Variants in RALY observed in about 807,000 individuals in gnomAD.
The protein encoded by RALY is RALY heterogeneous nuclear ribonucleoprotein, also known as RNA-binding protein Raly.
In RALY, 15 loss-of-function variants were observed where a neutral mutation model predicts 30.7. The ratio of observed to expected loss-of-function variants is 0.49; its 90% CI spans 0.33 to 0.75. The LOEUF (loss-of-function observed/expected upper bound fraction) is 0.75, where lower values mean the gene tolerates loss of function less well. Ranked by LOEUF, RALY falls within the 30% of genes least tolerant of loss-of-function variation. The probability of loss-of-function intolerance (pLI) is 0.02; values close to 1 mark genes in which losing one functional copy is unlikely to be tolerated. For synonymous variants in RALY, 177 were observed against 170.8 expected (o/e 1.04, Z -0.28); for missense variants, 339 against 414.3 (o/e 0.82, Z 1.58).
intron 1 of RALY, among the ~76,000 whole-genome samples, chr20:34,027,913 C>T (rs1025899274): frequency 2.0e-5 from 3 of 152,172 alleles, no homozygotes; most frequent in Non-Finnish European, 4.4e-5. Context: ...TCCCATTTTG[C>T]AGATGGGGAA....
At chr20:34,065,544 C>G (rs566515086) in intron 2 of RALY, among the ~76,000 whole-genome samples, 15 of 152,238 alleles carry the variant, frequency 9.9e-5, no homozygotes, top group African/African-American at 3.4e-4. Context: ...CCTGTCTGGC[C>G]AGTAACAATC....
At chr20:34,008,077 C>T (rs549475361) in intron 1 of RALY, among the ~76,000 whole-genome samples, 2 of 152,302 alleles carry the variant, frequency 1.3e-5, no homozygotes, top group East Asian at 3.9e-4. Flanking sequence ...GTTTTCTGTG[C>T]CATGCTATTC....
At chr20:34,078,416 C>T in intron 8 of RALY, 89 bp from the exon 9 acceptor site, 10 of 1,248,288 alleles carry the variant, frequency 8.0e-6, no homozygotes, top group Non-Finnish European at 9.8e-6. Context: ...GCCCTCTGGA[C>T]CATGAAGTTT....
chr20:33,998,052 T>C (rs2030724464), intron 1 of RALY, among the ~76,000 whole-genome samples: 1 of 152,270 alleles, frequency 6.6e-6, no homozygotes, highest in African/African-American at 2.4e-5. Flanking sequence ...ACATTTGAGT[T>C]GGTTACTTGT....
chr20:34,003,318 C>T (rs2031006228), intron 1 of RALY, among the ~76,000 whole-genome samples: 1 of 152,048 alleles, frequency 6.6e-6, no homozygotes. Context: ...TTGTGAGGAG[C>T]AAATTAGAAC....
intron 1 of RALY, among the ~76,000 whole-genome samples, chr20:34,012,260 C>T (rs1275517730): frequency 6.6e-6 from 1 of 151,986 alleles, no homozygotes; most frequent in African/African-American, 2.4e-5. Flanking sequence ...CATGAGGTGG[C>T]GGAAGGTTGC....
In RALY at chr20:34,072,284, A is replaced by G; in HGVS notation, c.210A>G (p.Ala70=). 1 of 1,614,018 alleles carries G rather than the reference A, an allele frequency of 6.2e-7. No homozygotes were observed. Among genetic ancestry groups the G allele is most frequent in the Non-Finnish European group, 8.5e-7 (1 of 1,180,038 alleles). ...VQYSNERHAR[A]AVLGENGRVL... Reference sequence around the variant, plus strand: ...ACTCCAATGAGCGCCATGCCCGGGCAGCTGTGCTGGGAGAGAATGGGCGGG... The same window carrying G: ...ACTCCAATGAGCGCCATGCCCGGGCGGCTGTGCTGGGAGAGAATGGGCGGG... Residue 70 remains alanine (A), a synonymous_variant, in exon 3 of 10, where the codon GCA becomes GCG. Transcript: ENST00000246194.
chr20:34,069,880 C>A (rs1195097003), intron 2 of RALY, among the ~76,000 whole-genome samples: 1 of 152,098 alleles, frequency 6.6e-6, no homozygotes, highest in African/African-American at 2.4e-5. Context: ...GTGATGGGAC[C>A]CTCTCAGCCC....
At chr20:34,050,445 A>G (rs914539962) in intron 2 of RALY, among the ~76,000 whole-genome samples, 2 of 152,214 alleles carry the variant, frequency 1.3e-5, no homozygotes, top group Admixed American at 1.3e-4. Context: ...CCTTGATCCA[A>G]AAATGCTTTG....
At chr20:34,000,822 A>G (rs1318241177) in intron 1 of RALY, among the ~76,000 whole-genome samples, 1 of 152,224 alleles carries the variant, frequency 6.6e-6, no homozygotes, top group African/African-American at 2.4e-5. Flanking sequence ...AATAGCAGTC[A>G]GTGGGCTTTT....
intron 2 of RALY, among the ~76,000 whole-genome samples, chr20:34,035,022 G>A (rs550938619): frequency 6.6e-5 from 10 of 151,938 alleles, no homozygotes; most frequent in South Asian, 4.2e-4. Context: ...GTGTGGTGGC[G>A]GGTGTCTGTA....
At position 34,076,043 on chromosome 20, in the gene RALY, G is replaced by A; in HGVS notation, c.544+3G>A. The A allele has an allele frequency of 6.2e-7, 1 of 1,611,172 alleles. No individual in the cohort carries two copies. Among genetic ancestry groups the A allele is most frequent in the Non-Finnish European group, 8.5e-7 (1 of 1,177,856 alleles). ...CACCAGCTCAGCCAAGATCAAGTGT[G>A]AGTGACTGTATCATATTCCTAAGTA... On this transcript the variant is annotated splice_donor_region_variant and intron_variant, in intron 6 of 9. Coordinates refer to ENST00000246194, the MANE Select transcript of RALY (RefSeq NM_016732.3).
chr20:34,084,239 T>G lies in RALY; in HGVS notation c.*4334T>G, dbSNP rs2034070169. On this transcript the variant is annotated 3_prime_UTR_variant, in exon 10 of 10. Coordinates refer to ENST00000246194, the MANE Select transcript of RALY (RefSeq NM_016732.3). Reference sequence around the variant, plus strand: ...TGGGGGACTACAGTGGGAGATCATTTGCACCTAGGAGGTTAATGCTGCGGT... The same window carrying G: ...TGGGGGACTACAGTGGGAGATCATTGGCACCTAGGAGGTTAATGCTGCGGT... 6.6e-6 allele frequency: 1 copy of G among 152,108 alleles called. No individual in the cohort carries two copies. Among genetic ancestry groups the G allele is most frequent in the Non-Finnish European group, 1.5e-5 (1 of 68,020 alleles). The allele number at this position is 152,108 out of a possible 1,614,324, so 9.4% of individuals were successfully genotyped here. A position where few individuals can be genotyped will look rare whatever the true frequency, so the allele number is the denominator to read the frequency against.
chr20:34,010,263 C>T (rs1464931899), intron 1 of RALY, among the ~76,000 whole-genome samples: 2 of 152,150 alleles, frequency 1.3e-5, no homozygotes, highest in Admixed American at 6.5e-5. Context: ...CAGTGGCACT[C>T]TGTTGCCCAA....
intron 1 of RALY, among the ~76,000 whole-genome samples, chr20:34,031,211 ATTTTTTTTTTT>A (rs11297874): frequency 9.0e-6 from 1 of 110,872 alleles, no homozygotes; most frequent in Admixed American, 9.9e-5. Flanking sequence ...TGCCTGGCTA[ATTTTTTTTTTT>A]TTTTTTTTTT....
chr20:34,083,712 G>A lies in RALY; in HGVS notation c.*3807G>A, dbSNP rs2034063857. ...TCAAGTGTGGGCACGTGAGCGTCAG[G>A]TATTTGCCATCCCTGGCCAGGTTGA... On this transcript the variant is annotated 3_prime_UTR_variant, in exon 10 of 10. Coordinates refer to ENST00000246194, the MANE Select transcript of RALY (RefSeq NM_016732.3). 6.6e-6 allele frequency: 1 copy of A among 152,266 alleles called. No homozygotes were observed. Among genetic ancestry groups the A allele is most frequent in the African/African-American group, 2.4e-5 (1 of 41,464 alleles). 9.4% of individuals were successfully genotyped at this position (152,266 alleles called of 1,614,324 possible).
intron 5 of RALY, among the ~76,000 whole-genome samples, chr20:34,074,542 C>A (rs545021908): frequency 6.6e-6 from 1 of 152,160 alleles, no homozygotes; most frequent in African/African-American, 2.4e-5. Context: ...ATGAGTCGTC[C>A]GCCCCCATCC....
intron 2 of RALY, among the ~76,000 whole-genome samples, chr20:34,069,674 C>G (rs2033672531): frequency 6.6e-6 from 1 of 152,180 alleles, no homozygotes; most frequent in Non-Finnish European, 1.5e-5. Context: ...TCAGCGAGAA[C>G]TGTGAGGAAT....
chr20:34,023,833 T>C (rs1272913842), intron 1 of RALY, among the ~76,000 whole-genome samples: 1 of 152,084 alleles, frequency 6.6e-6, no homozygotes, highest in Non-Finnish European at 1.5e-5. Context: ...AGAATAACTT[T>C]GGAGGGGACC....
Sources: gnomAD v4.1 joint callset for allele counts (sites outside exome capture counted in the v4.1 genomes callset) on GRCh38, gnomAD v4.1.1 for gene constraint, MANE v1.5 for transcripts, NCBI Gene and HGNC (gene_info 2026-07-23, HGNC 2026-07-21) for gene names.